The following WDR72 variants were observed in gnomAD, a reference collection of about 807,000 sequenced individuals.
WDR72 encodes the protein WD repeat-containing protein 72.
WDR72 carries 120 observed loss-of-function variants against 124.2 expected under a neutral mutation model. That is an observed-to-expected ratio of 0.97 (90% CI 0.83 to 1.12). WDR72 has a LOEUF of 1.12. Among genes scored for constraint, WDR72 ranks in the 50% most tolerant of loss-of-function variants. The pLI is 0.00. For missense variants in WDR72, 1,387 were observed against 1,278.8 expected (o/e 1.08, Z -1.29); for synonymous variants, 452 against 441.7 (o/e 1.02, Z -0.29).
chr15:53,663,516 A>G (rs2015677241), intron 14 of WDR72, among the ~76,000 whole-genome samples: 1 of 152,172 alleles, frequency 6.6e-6, no homozygotes, highest in Non-Finnish European at 1.5e-5. Context: ...CCACTACCTA[A>G]AGAGTAGCTA....
intron 14 of WDR72, among the ~76,000 whole-genome samples, chr15:53,641,576 T>C (rs1374878408): frequency 6.6e-6 from 1 of 151,994 alleles, no homozygotes; most frequent in Non-Finnish European, 1.5e-5. Context: ...GAGTTGTGAG[T>C]ATGGAAACCT....
intron 1 of WDR72, among the ~76,000 whole-genome samples, chr15:53,756,194 C>T (rs1349743732): frequency 3.4e-4 from 52 of 152,104 alleles, no homozygotes. Flanking sequence ...GGATGGTTTC[C>T]CCCATGCTGT....
intron 18 of WDR72, among the ~76,000 whole-genome samples, chr15:53,531,103 C>A (rs930327684): frequency 3.9e-5 from 6 of 151,984 alleles, no homozygotes; most frequent in Non-Finnish European, 8.8e-5. Context: ...AGTTCTTTGT[C>A]AACATTAAGA....
In WDR72 at chr15:53,705,252, T is replaced by C. The variant is rs760536430; in HGVS notation, c.1103-19A>G. 3.9e-5 allele frequency: 62 copies of C among 1,610,074 alleles called. 1 individual carries two copies. In the South Asian group the frequency reaches 5.7e-4, roughly 15 times the overall value. ...GGTATCTCTAAAAAGAAAACAGACA[T>C]AAAAAGAAAATTTGGTTTATCAGTA... On this transcript the variant is annotated intron_variant, in intron 10 of 19. Coordinates refer to ENST00000360509, the MANE Select transcript of WDR72 (RefSeq NM_182758.4).
chr15:53,755,662 C>T (rs991038537), intron 1 of WDR72, among the ~76,000 whole-genome samples: 155 of 152,280 alleles, frequency 1.0e-3, no homozygotes, highest in African/African-American at 3.7e-3. Flanking sequence ...GAGATGAAGG[C>T]CCCACTTCCT....
Position 53,732,979 on chromosome 15 carries a change from T to C in WDR72, c.153+18A>G, listed in dbSNP as rs17632070. The C allele has an allele frequency of 0.048, 78,252 of 1,613,870 alleles. 1,984 individuals carry two copies. Among genetic ancestry groups the C allele is most frequent in the East Asian group, 0.066 (2,964 of 44,868 alleles). On this transcript the variant is annotated intron_variant, in intron 2 of 19. Coordinates refer to ENST00000360509, the MANE Select transcript of WDR72 (RefSeq NM_182758.4). ...TTTGTGAGTGGTGTCTGTTTCAATA[T>C]CAGTAGCTTTCACTAACCTTTAGTT...
At chr15:53,730,292 T>A (rs1434040036) in intron 2 of WDR72, among the ~76,000 whole-genome samples, 1 of 152,210 alleles carries the variant, frequency 6.6e-6, no homozygotes, top group Admixed American at 6.5e-5. Context: ...TGATTCCACT[T>A]ACAGGAGATA....
intron 13 of WDR72, among the ~76,000 whole-genome samples, chr15:53,685,424 C>A (rs1313229162): frequency 7.7e-6 from 1 of 129,204 alleles, no homozygotes; most frequent in Non-Finnish European, 1.6e-5. Flanking sequence ...GCAGAAGCCT[C>A]AGGAGCCGAC....
At chr15:53,666,854 T>G (rs1000650383) in intron 13 of WDR72, among the ~76,000 whole-genome samples, 4 of 152,204 alleles carry the variant, frequency 2.6e-5, no homozygotes, top group African/African-American at 9.6e-5. Flanking sequence ...TATAGCCTTC[T>G]TTTATTACAA....
At chr15:53,712,398 T>A (rs2017565046) in intron 7 of WDR72, among the ~76,000 whole-genome samples, 1 of 152,188 alleles carries the variant, frequency 6.6e-6, no homozygotes, top group Admixed American at 6.5e-5. Flanking sequence ...GAGTTTGAGA[T>A]CGGCCTGACC....
Position 53,753,360 on chromosome 15 carries a change from G to C in WDR72, c.-13+6273C>G, listed in dbSNP as rs74830718. Among the ~76,000 whole-genome samples the C allele has an allele frequency of 2.4e-3, 360 of 152,302 alleles. 1 individual carries two copies. The highest frequency in any genetic ancestry group is 8.5e-3 in the African/African-American group (353 of 41,572). Reference sequence around the variant, plus strand: ...CACGATTCTAGTGTTTTCTGACTCTGTCCTAGCAATCAGGAATACCTGCCA... The same window carrying C: ...CACGATTCTAGTGTTTTCTGACTCTCTCCTAGCAATCAGGAATACCTGCCA... On this transcript the variant is annotated intron_variant, in intron 1 of 19. Transcript: ENST00000360509.
At chr15:53,742,651 G>GA (rs1002700553) in intron 1 of WDR72, among the ~76,000 whole-genome samples, 12 of 149,988 alleles carry the variant, frequency 8.0e-5, no homozygotes, top group Admixed American at 2.0e-4. Context: ...TTTTGGCTAA[G>GA]AAAAAAAAAT....
chr15:53,575,076 A>G (rs1007881112), intron 18 of WDR72, among the ~76,000 whole-genome samples: 3 of 151,978 alleles, frequency 2.0e-5, no homozygotes, highest in African/African-American at 7.2e-5. Flanking sequence ...ATGTATACAT[A>G]ATTTATATGC....
At chr15:53,558,907 C>A (rs1457695424) in intron 18 of WDR72, among the ~76,000 whole-genome samples, 1 of 151,884 alleles carries the variant, frequency 6.6e-6, no homozygotes, top group East Asian at 1.9e-4. Context: ...AACTTTTTAG[C>A]CTTTAAAAAT....
At chr15:53,691,197 G>A (rs1018709904) in intron 13 of WDR72, among the ~76,000 whole-genome samples, 8 of 152,020 alleles carry the variant, frequency 5.3e-5, no homozygotes, top group African/African-American at 9.7e-5. Flanking sequence ...CTACTGGCAC[G>A]TACCACTGTG....
intron 18 of WDR72, among the ~76,000 whole-genome samples, chr15:53,578,706 AG>A (rs1003962455): frequency 1.4e-4 from 21 of 152,146 alleles, no homozygotes; most frequent in Non-Finnish European, 2.4e-4. Flanking sequence ...AAGAGAAAAG[AG>A]AAGCCATATG....
At chr15:53,757,315 A>T (rs2018935347) in intron 1 of WDR72, among the ~76,000 whole-genome samples, 1 of 152,146 alleles carries the variant, frequency 6.6e-6, no homozygotes, top group African/African-American at 2.4e-5. Flanking sequence ...ACCTTTTATG[A>T]TGTAGCGATA....
At chr15:53,711,246 T>C (rs2017527269) in intron 8 of WDR72, 90 bp downstream of exon 8, 2 of 1,583,872 alleles carry the variant, frequency 1.3e-6, no homozygotes, top group African/African-American at 1.3e-5. Context: ...TTTTTGATCA[T>C]GGGCAGCATG....
chr15:53,744,700 A>G (rs992564491), intron 1 of WDR72, among the ~76,000 whole-genome samples: 4 of 152,140 alleles, frequency 2.6e-5, no homozygotes, highest in African/African-American at 4.8e-5. Context: ...TGCCTAACAC[A>G]TAGATGACAT....
Sources: allele counts gnomAD v4.1 joint callset (sites outside exome capture counted in the v4.1 genomes callset), GRCh38; gene constraint gnomAD v4.1.1; transcripts MANE v1.5; gene names NCBI Gene and HGNC (gene_info 2026-07-23, HGNC 2026-07-21).